AP4S1: variants seen among roughly 807,000 people sequenced by gnomAD.
AP4S1 encodes the protein AP-4 complex subunit sigma-1.
AP4S1 carries 23 observed loss-of-function variants against 19.8 expected under a neutral mutation model. That is an observed-to-expected ratio of 1.16 (90% CI 0.84 to 1.65). AP4S1 has a LOEUF of 1.65. Ranked by LOEUF, AP4S1 falls within the 40% of genes most tolerant of loss-of-function variation. The pLI is 0.00. For synonymous variants in AP4S1, 46 were observed against 54.1 expected, an observed-to-expected ratio of 0.85 and a Z score of 0.66; for missense variants, 166 against 172.8, an observed-to-expected ratio of 0.96 and a Z score of 0.22.
chr14:31,034,706 C>T (rs1884619690), intron 1 of AP4S1, among the ~76,000 whole-genome samples: 1 of 150,736 alleles, frequency 6.6e-6, no homozygotes, highest in African/African-American at 2.4e-5. Flanking sequence ...CAACCTCCGC[C>T]TCCCGGGTTC....
At chr14:31,054,484 C>G (rs1395170773) in intron 1 of AP4S1, among the ~76,000 whole-genome samples, 1 of 151,920 alleles carries the variant, frequency 6.6e-6, no homozygotes, top group Admixed American at 6.6e-5. Context: ...GAGTTTGGGG[C>G]CAGCCTGGCC....
chr14:31,074,628 A>G (rs1256288193), intron 4 of AP4S1, among the ~76,000 whole-genome samples: 4 of 151,222 alleles, frequency 2.6e-5, no homozygotes. Context: ...AGCTGAGATC[A>G]CGCCACTGCA....
chr14:31,036,002 T>C (rs1884747879), intron 1 of AP4S1, among the ~76,000 whole-genome samples: 1 of 152,158 alleles, frequency 6.6e-6, no homozygotes, highest in African/African-American at 2.4e-5. Context: ...AGTGCTGGGA[T>C]TACAGGCGTG....
At position 31,072,969 on chromosome 14, in the gene AP4S1, GA is replaced by G. The variant is rs1566537756; in HGVS notation, c.291del (p.Val98Ter). Reference protein sequence around the residue: ...FVEVLDEYFSRVSELDIMFNL... With the variant: ...FVEVLDEYFSXVSELDIMFNL... ...GAAGTTTTAGATGAGTATTTCAGCC[GA>G]GTGGTAAGTCTAATGGCTAAAAAAT... On this transcript the variant is annotated frameshift_variant, in exon 4 of 6. Transcript: ENST00000542754. LOFTEE classifies it high-confidence loss of function. 1.2e-5 allele frequency: 19 copies of G among 1,613,318 alleles called. No individual in the cohort carries two copies. Among genetic ancestry groups the G allele is most frequent in the Non-Finnish European group, 1.4e-5 (16 of 1,179,436 alleles).
At chr14:31,033,244 C>T (rs372489315) in intron 1 of AP4S1, among the ~76,000 whole-genome samples, 3 of 151,762 alleles carry the variant, frequency 2.0e-5, no homozygotes, top group Non-Finnish European at 4.4e-5. Context: ...GATGGAGTCT[C>T]GCTCTGTCAC....
chr14:31,029,108 A>C (rs922886310), intron 1 of AP4S1, among the ~76,000 whole-genome samples: 6 of 152,198 alleles, frequency 3.9e-5, no homozygotes, highest in African/African-American at 1.2e-4. Context: ...GAAGCCTAGC[A>C]GTCATTCTAC....
chr14:31,070,296 A>G lies in AP4S1; in HGVS notation c.225+367A>G, dbSNP rs574053043. Reference sequence around the variant, plus strand: ...TTTTTTAAGAGACAGGCTAGAGTGCAATGGCACAGTCATAGCTCACTGCAG... The same window carrying G: ...TTTTTTAAGAGACAGGCTAGAGTGCGATGGCACAGTCATAGCTCACTGCAG... On this transcript the variant is annotated intron_variant, in intron 3 of 5. Transcript: ENST00000542754. 9.8e-4 allele frequency among the ~76,000 whole-genome samples: 149 copies of G among 152,282 alleles called. 3 individuals carry two copies. The South Asian group carries it at 0.03, about 31-fold the overall frequency.
intron 1 of AP4S1, among the ~76,000 whole-genome samples, chr14:31,044,218 G>A (rs1168176228): frequency 6.6e-6 from 1 of 152,172 alleles, no homozygotes; most frequent in Non-Finnish European, 1.5e-5. Context: ...TAAGCAAAAT[G>A]CACTTTACTA....
chr14:31,056,555 C>T (rs1049935792), intron 1 of AP4S1, among the ~76,000 whole-genome samples: 13 of 152,034 alleles, frequency 8.6e-5, no homozygotes, highest in African/African-American at 2.2e-4. Flanking sequence ...GATGGGGTTT[C>T]GCCATGTTGG....
intron 1 of AP4S1, among the ~76,000 whole-genome samples, chr14:31,063,083 G>T (rs1349166337): frequency 6.6e-6 from 1 of 151,950 alleles, no homozygotes; most frequent in African/African-American, 2.4e-5. Flanking sequence ...ACCCCTTGAG[G>T]CCAGGAGTTC....
chr14:31,034,698 A>G (rs1410297034), intron 1 of AP4S1, among the ~76,000 whole-genome samples: 1 of 145,714 alleles, frequency 6.9e-6, no homozygotes, highest in African/African-American at 2.6e-5. Context: ...GCTCACTGCA[A>G]CCTCCGCCTC....
chr14:31,043,144 T>G (rs1885202585), intron 1 of AP4S1, among the ~76,000 whole-genome samples: 1 of 151,100 alleles, frequency 6.6e-6, no homozygotes, highest in Non-Finnish European at 1.5e-5. Flanking sequence ...TCGCTTGAAC[T>G]CGGGAGGCGG....
At chr14:31,077,739 CTTT>C (rs71112379) in intron 4 of AP4S1, among the ~76,000 whole-genome samples, 2 of 135,220 alleles carry the variant, frequency 1.5e-5, no homozygotes, top group East Asian at 2.1e-4. Context: ...TTTCTTTTTT[CTTT>C]TTTTTTTTTT....
At chr14:31,058,882 G>A (rs996689377) in intron 1 of AP4S1, among the ~76,000 whole-genome samples, 2 of 151,822 alleles carry the variant, frequency 1.3e-5, no homozygotes, top group African/African-American at 4.8e-5. Flanking sequence ...GGCCCCTTGT[G>A]TGTCGTTAAA....
chr14:31,069,798 T>G, intron 2 of AP4S1, 45 bp from the exon 3 acceptor site: 1 of 1,432,664 alleles, frequency 7.0e-7, no homozygotes, highest in Non-Finnish European at 9.8e-7. Context: ...TTTAAAGAAC[T>G]CTCTCTCAGC....
At chr14:31,039,757 A>ATTT (rs1885003065) in intron 1 of AP4S1, among the ~76,000 whole-genome samples, 1 of 151,146 alleles carries the variant, frequency 6.6e-6, no homozygotes, top group South Asian at 2.1e-4. Context: ...TGCCCGGCTA[A>ATTT]TTTTTGTATT....
At chr14:31,040,247 G>A (rs1170445038) in intron 1 of AP4S1, among the ~76,000 whole-genome samples, 1 of 149,480 alleles carries the variant, frequency 6.7e-6, no homozygotes, top group South Asian at 2.1e-4. Context: ...AACCTCCCAA[G>A]GCTCAGGTGA....
At position 31,050,322 on chromosome 14, in the gene AP4S1, A is replaced by G. The variant is rs993235190; in HGVS notation, c.-71-15804A>G. Among the ~76,000 whole-genome samples, 3 of 151,474 alleles carry G rather than the reference A, an allele frequency of 2.0e-5. No homozygotes were observed. The East Asian group carries it at 5.8e-4, about 29-fold the overall frequency. ...TGATCTGCCCACCTCAGCCTCCCAA[A>G]ATGCTGGGATTATAGGCGTGAGCCA... On this transcript the variant is annotated intron_variant, in intron 1 of 5. Transcript: ENST00000542754.
At position 31,082,820 on chromosome 14, in the gene AP4S1, C is replaced by T. The variant is rs375967392; in HGVS notation, c.306+2236C>T. ...CTGAGGCAGGAGAATGGCGTGAACC[C>T]GGGAGGCGGAGCTTGCAGTGAGCCG... On this transcript the variant is annotated intron_variant, in intron 5 of 5. Transcript: ENST00000542754. 3.1e-3 allele frequency among the ~76,000 whole-genome samples: 469 copies of T among 151,114 alleles called. 12 individuals are homozygous for T. In the South Asian group the frequency reaches 0.059, roughly 19 times the overall value.
Sources: gnomAD v4.1 joint callset for allele counts (sites outside exome capture counted in the v4.1 genomes callset) on GRCh38, gnomAD v4.1.1 for gene constraint, MANE v1.5 for transcripts, NCBI Gene and HGNC (gene_info 2026-07-23, HGNC 2026-07-21) for gene names.